The following ZNF609 variants were observed in gnomAD, a reference collection of about 807,000 sequenced individuals.
ZNF609 encodes the protein zinc finger protein 609.
ZNF609 carries 11 observed loss-of-function variants against 109.5 expected under a neutral mutation model. That is an observed-to-expected ratio of 0.10 (90% CI 0.06 to 0.17). The LOEUF is 0.17. ZNF609 is among the 10% of genes least tolerant of loss of function. ZNF609 has a pLI of 1.00. For synonymous variants in ZNF609, 646 were observed against 662.0 expected, an observed-to-expected ratio of 0.98 and a Z score of 0.37; for missense variants, 1,559 against 1,772.4, an observed-to-expected ratio of 0.88 and a Z score of 2.16.
At chr15:64,480,099 A>G (rs1213777208) in intron 1 of ZNF609, among the ~76,000 whole-genome samples, 3 of 151,408 alleles carry the variant, frequency 2.0e-5, no homozygotes, top group Admixed American at 6.6e-5. Flanking sequence ...TTAGCCTGGC[A>G]TGGTGGCAGG....
chr15:64,642,939 T>G (rs1294688286), intron 3 of ZNF609, among the ~76,000 whole-genome samples: 1 of 152,228 alleles, frequency 6.6e-6, no homozygotes, highest in Non-Finnish European at 1.5e-5. Flanking sequence ...TTCTAGTTTC[T>G]TCATTTCTGG....
At chr15:64,653,709 C>T (rs910409078) in intron 3 of ZNF609, among the ~76,000 whole-genome samples, 10 of 152,164 alleles carry the variant, frequency 6.6e-5, no homozygotes, top group African/African-American at 1.9e-4. Flanking sequence ...TTCAACCCCA[C>T]TCCCCCAACC....
chr15:64,543,095 G>A (rs1315343642), intron 2 of ZNF609, among the ~76,000 whole-genome samples: 3 of 151,936 alleles, frequency 2.0e-5, no homozygotes, highest in East Asian at 3.9e-4. Context: ...ACCACCGTGG[G>A]ACGTGTATAC....
intron 2 of ZNF609, among the ~76,000 whole-genome samples, chr15:64,550,685 A>T (rs1201218775): frequency 6.6e-6 from 1 of 151,988 alleles, no homozygotes; most frequent in African/African-American, 2.4e-5. Flanking sequence ...AAAATACAAA[A>T]ATTAGCTGGG....
chr15:64,584,188 A>T (rs1895157389), intron 2 of ZNF609, among the ~76,000 whole-genome samples: 1 of 152,192 alleles, frequency 6.6e-6, no homozygotes, highest in South Asian at 2.1e-4. Flanking sequence ...CCTGCTGATC[A>T]GAACTAGGAT....
At chr15:64,658,918 T>C (rs539986438) in intron 3 of ZNF609, among the ~76,000 whole-genome samples, 314 of 152,302 alleles carry the variant, frequency 2.1e-3, no homozygotes, top group African/African-American at 7.3e-3. Context: ...ATAATGAACC[T>C]GTTACATGGT....
At chr15:64,511,714 ATTTTT>A (rs980847553) in intron 2 of ZNF609, among the ~76,000 whole-genome samples, 1 of 137,014 alleles carries the variant, frequency 7.3e-6, no homozygotes. Context: ...CAAGCATGTA[ATTTTT>A]TTTTTTTTTT....
At chr15:64,479,761 A>G (rs1373873806) in intron 1 of ZNF609, among the ~76,000 whole-genome samples, 1 of 151,942 alleles carries the variant, frequency 6.6e-6, no homozygotes, top group Admixed American at 6.6e-5. Flanking sequence ...TCTACTAAAA[A>G]TACAAACATT....
rs75780102 is a variant in ZNF609, at chr15:64,610,011, C to G, written c.748-12816C>G. ...TGGGTGACAGCATGAGATGCTATCTCAAAAAATAATAATAATAATAAGGTT... is the reference window on the plus strand; with the variant it reads ...TGGGTGACAGCATGAGATGCTATCTGAAAAAATAATAATAATAATAAGGTT... On this transcript the variant is annotated intron_variant, in intron 2 of 9. Transcript: ENST00000326648. Among the ~76,000 whole-genome samples, 556 of 151,030 alleles carry G rather than the reference C, an allele frequency of 3.7e-3. 1 individual carries two copies. Among genetic ancestry groups the G allele is most frequent in the Non-Finnish European group, 6.4e-3 (432 of 67,814 alleles).
intron 1 of ZNF609, among the ~76,000 whole-genome samples, chr15:64,498,408 T>G (rs1052023805): frequency 3.9e-5 from 6 of 152,144 alleles, no homozygotes; most frequent in African/African-American, 1.4e-4. Context: ...AATCTCTGTT[T>G]CCTATGGTGT....
intron 3 of ZNF609, among the ~76,000 whole-genome samples, chr15:64,636,174 G>A (rs1009082513): frequency 1.3e-5 from 2 of 152,106 alleles, no homozygotes; most frequent in African/African-American, 2.4e-5. Context: ...AGGGGTAGGG[G>A]TTAGGAAAAA....
intron 1 of ZNF609, among the ~76,000 whole-genome samples, chr15:64,468,542 G>A (rs1043041114): frequency 4.6e-5 from 7 of 151,908 alleles, no homozygotes; most frequent in Non-Finnish European, 8.8e-5. Context: ...ATGAGCCACT[G>A]TGACCAGCCC....
At position 64,685,829 on chromosome 15, in the gene ZNF609, C is replaced by T. The variant is rs1352301953; in HGVS notation, c.*4143C>T. ...GACTCCTGTGGCTACCCCATCAGAACAAGGGCTAAGGGTTTATGGGTCAAG... is the reference window on the plus strand; with the variant it reads ...GACTCCTGTGGCTACCCCATCAGAATAAGGGCTAAGGGTTTATGGGTCAAG... On this transcript the variant is annotated 3_prime_UTR_variant, in exon 10 of 10. Transcript: ENST00000326648. The T allele has an allele frequency of 6.6e-6, 1 of 152,430 alleles. No homozygotes were observed. The highest frequency in any genetic ancestry group is 1.9e-4 in the East Asian group (1 of 5,198). 9.4% of individuals were successfully genotyped at this position (152,430 alleles called of 1,614,324 possible). A position where few individuals can be genotyped will look rare whatever the true frequency, so the allele number is the denominator to read the frequency against.
chr15:64,603,640 T>TG (rs939141631), intron 2 of ZNF609, among the ~76,000 whole-genome samples: 7 of 152,124 alleles, frequency 4.6e-5, no homozygotes, highest in African/African-American at 1.7e-4. Context: ...CAAACTATTG[T>TG]GGCCTCTATT....
intron 3 of ZNF609, among the ~76,000 whole-genome samples, chr15:64,650,867 G>C (rs1446402811): frequency 6.7e-6 from 1 of 149,458 alleles, no homozygotes; most frequent in Non-Finnish European, 1.5e-5. Flanking sequence ...TATTTATTTA[G>C]TGTGTAAGAT....
intron 2 of ZNF609, among the ~76,000 whole-genome samples, chr15:64,572,784 C>G (rs1247265539): frequency 1.3e-5 from 2 of 152,072 alleles, no homozygotes; most frequent in Non-Finnish European, 2.9e-5. Context: ...ACCTGTAATC[C>G]CAGCTACTCA....
chr15:64,635,483 TGAG>T (rs1896159468), intron 3 of ZNF609, among the ~76,000 whole-genome samples: 1 of 152,164 alleles, frequency 6.6e-6, no homozygotes, highest in Admixed American at 6.5e-5. Context: ...ATTTGTAAAA[TGAG>T]GAGGTTGGAC....
intron 2 of ZNF609, among the ~76,000 whole-genome samples, chr15:64,589,604 T>C (rs1895260793): frequency 6.6e-6 from 1 of 152,174 alleles, no homozygotes; most frequent in African/African-American, 2.4e-5. Context: ...ATCTTCAAAG[T>C]CCATTTGTCG....
intron 2 of ZNF609, among the ~76,000 whole-genome samples, chr15:64,525,075 C>G (rs1009545675): frequency 1.3e-5 from 2 of 152,124 alleles, no homozygotes; most frequent in African/African-American, 4.8e-5. Context: ...ACTAATGATT[C>G]AGAACATCTT....
Sources: gnomAD v4.1 joint callset for allele counts (sites outside exome capture counted in the v4.1 genomes callset) on GRCh38, gnomAD v4.1.1 for gene constraint, MANE v1.5 for transcripts, NCBI Gene and HGNC (gene_info 2026-07-23, HGNC 2026-07-21) for gene names.